Variants in NUP155 observed in about 807,000 individuals in gnomAD.
NUP155 encodes nuclear pore complex protein Nup155.
NUP155 carries 71 observed loss-of-function variants against 180.4 expected under a neutral mutation model. That is an observed-to-expected ratio of 0.39 (90% CI 0.33 to 0.48). The LOEUF (loss-of-function observed/expected upper bound fraction) is 0.48. NUP155 is among the 20% of genes least tolerant of loss of function. The pLI is 0.91. For synonymous variants in NUP155, 582 were observed against 559.5 expected (o/e 1.04, Z -0.57); for missense variants, 1,553 against 1,648.9 (o/e 0.94, Z 1.01).
At chr5:37,293,467 T>C (rs1228456352) in intron 33 of NUP155, among the ~76,000 whole-genome samples, 1 of 152,240 alleles carries the variant, frequency 6.6e-6, no homozygotes, top group African/African-American at 2.4e-5. Flanking sequence ...AAGATGGAGA[T>C]ACTACAGTTA....
intron 32 of NUP155, among the ~76,000 whole-genome samples, chr5:37,294,866 A>G (rs529545688): frequency 6.6e-6 from 1 of 152,330 alleles, no homozygotes; most frequent in Non-Finnish European, 1.5e-5. Flanking sequence ...AGTGACAACT[A>G]ATGAGCACAG....
At chr5:37,342,872 G>A (rs1210371217) in intron 9 of NUP155, among the ~76,000 whole-genome samples, 10 of 152,044 alleles carry the variant, frequency 6.6e-5, no homozygotes, top group Non-Finnish European at 1.5e-4. Flanking sequence ...GAGTAGCTGG[G>A]ATTACGGGCT....
intron 19 of NUP155, 103 bp from the exon 20 acceptor site, chr5:37,324,210 T>G: frequency 1.3e-6 from 1 of 757,752 alleles, no homozygotes; most frequent in Non-Finnish European, 2.3e-6. Context: ...TAGTTATTTC[T>G]TGTATCAATT....
At chr5:37,360,175 A>G (rs1405205215) in intron 3 of NUP155, among the ~76,000 whole-genome samples, 1 of 152,060 alleles carries the variant, frequency 6.6e-6, no homozygotes, top group Non-Finnish European at 1.5e-5. Context: ...TTCGACAAAA[A>G]GATAAAAATT....
intron 32 of NUP155, 121 bp from the exon 33 acceptor site, chr5:37,294,586 T>G (rs1015868555): frequency 1.4e-5 from 14 of 988,074 alleles, no homozygotes; most frequent in African/African-American, 8.1e-5. Flanking sequence ...TGCAATTTTT[T>G]GGGGCGGGGG....
chr5:37,336,908 C>T (rs998154481), intron 12 of NUP155, among the ~76,000 whole-genome samples: 1 of 152,202 alleles, frequency 6.6e-6, no homozygotes, highest in African/African-American at 2.4e-5. Context: ...CAAAGAACCA[C>T]TAGTTTTCAG....
chr5:37,312,069 T>C (rs1430541600), intron 22 of NUP155, among the ~76,000 whole-genome samples: 1 of 152,160 alleles, frequency 6.6e-6, no homozygotes, highest in Admixed American at 6.6e-5. Flanking sequence ...TACCCTTTTG[T>C]AATCCTAAAT....
intron 33 of NUP155, among the ~76,000 whole-genome samples, chr5:37,293,631 AG>A (rs1233186260): frequency 6.6e-6 from 1 of 152,246 alleles, no homozygotes; most frequent in Non-Finnish European, 1.5e-5. Flanking sequence ...CAGGGTGAGA[AG>A]GATCTTTAAG....
rs1743339231 is a variant in NUP155 at position 37,308,873 on chromosome 5, C to G, written c.2767+256G>C. 4.4e-5 allele frequency among the ~76,000 whole-genome samples: 3 copies of G among 67,704 alleles called. No homozygotes were observed. The South Asian group carries it at 1.7e-3, about 38-fold the overall frequency. 44.4% of individuals were successfully genotyped at this position (67,704 alleles called of 152,430 possible). A position where few individuals can be genotyped will look rare whatever the true frequency, so the allele number is the denominator to read the frequency against. ...CCAGCCTGGCTGACAGAGCGAGACT[C>G]TCAAAAAAAAAAAAAAAAAAAAAAA... On this transcript the variant is annotated intron_variant, in intron 24 of 34. Coordinates refer to ENST00000231498, the MANE Select transcript of NUP155 (RefSeq NM_153485.3).
intron 14 of NUP155, among the ~76,000 whole-genome samples, chr5:37,330,368 C>T (rs1248342554): frequency 6.6e-6 from 1 of 152,200 alleles, no homozygotes; most frequent in Admixed American, 6.6e-5. Context: ...TAGATTCTGA[C>T]TTAGTTTCCG....
chr5:37,318,190 T>G, intron 20 of NUP155, 105 bp from the exon 21 acceptor site: 1 of 828,304 alleles, frequency 1.2e-6, no homozygotes, highest in Non-Finnish European at 2.0e-6. Flanking sequence ...TTTAAATAAT[T>G]CAGAAGGTTG....
chr5:37,332,973 T>A (rs986796897), intron 13 of NUP155, among the ~76,000 whole-genome samples: 1 of 150,616 alleles, frequency 6.6e-6, no homozygotes, highest in Non-Finnish European at 1.5e-5. Flanking sequence ...ATAAAATAAA[T>A]AAAATAAAAT....
At position 37,301,198 on chromosome 5, in the gene NUP155, T is replaced by A. The variant is rs1742845547; in HGVS notation, c.3561+239A>T. Reference sequence around the variant, plus strand: ...GGAAATAAGCTGGTTTTAACACAGCTCTCATGCGAGGATGATAGGTTCTTT... The same window carrying A: ...GGAAATAAGCTGGTTTTAACACAGCACTCATGCGAGGATGATAGGTTCTTT... On this transcript the variant is annotated intron_variant, in intron 30 of 34. Coordinates refer to ENST00000231498, the MANE Select transcript of NUP155 (RefSeq NM_153485.3). 6.4e-5 allele frequency: 28 copies of A among 440,478 alleles called. 1 individual carries two copies. The highest frequency in any genetic ancestry group is 6.0e-4 in the South Asian group (28 of 46,426). 27.3% of individuals were successfully genotyped at this position (440,478 alleles called of 1,614,324 possible).
chr5:37,320,056 A>G (rs940935732), intron 20 of NUP155, among the ~76,000 whole-genome samples: 1 of 152,056 alleles, frequency 6.6e-6, no homozygotes, highest in South Asian at 2.1e-4. Flanking sequence ...GTGGCAGCAC[A>G]TGCCTGTAGC....
intron 17 of NUP155, 22 bp downstream of exon 17, chr5:37,328,336 C>T: frequency 6.4e-7 from 1 of 1,571,486 alleles, no homozygotes. Context: ...TGAATCCAAT[C>T]CAAAACAAAG....
chr5:37,354,011 C>T (rs1351129350), intron 4 of NUP155, among the ~76,000 whole-genome samples: 2 of 152,022 alleles, frequency 1.3e-5, no homozygotes, highest in Non-Finnish European at 2.9e-5. Flanking sequence ...CAAATAAAAG[C>T]TAGACAATTT....
intron 22 of NUP155, among the ~76,000 whole-genome samples, chr5:37,311,162 T>C (rs1052115208): frequency 7.9e-5 from 12 of 152,206 alleles, no homozygotes; most frequent in African/African-American, 2.9e-4. Flanking sequence ...TGTGAACAAA[T>C]CTGCTTGTCC....
At chr5:37,370,794 TGA>T in intron 1 of NUP155, 25 bp downstream of exon 1, 4 of 1,614,060 alleles carry the variant, frequency 2.5e-6, no homozygotes, top group Non-Finnish European at 3.4e-6. Context: ...TCCTTTAGGT[TGA>T]GAAAGCAGGG....
At chr5:37,307,223 A>T (rs909206717) in intron 25 of NUP155, 74 bp downstream of exon 25, 1 of 1,509,242 alleles carries the variant, frequency 6.6e-7, no homozygotes, top group Non-Finnish European at 9.0e-7. Flanking sequence ...ACATAAAACA[A>T]AAAACAAAAA....
Sources: allele counts gnomAD v4.1 joint callset (sites outside exome capture counted in the v4.1 genomes callset), GRCh38; gene constraint gnomAD v4.1.1; transcripts MANE v1.5; gene names NCBI Gene and HGNC (gene_info 2026-07-23, HGNC 2026-07-21).